Variants in ACTG2 observed in about 807,000 individuals in gnomAD.
The protein encoded by ACTG2 is actin, gamma-enteric smooth muscle.
In ACTG2, 16 loss-of-function variants were observed where a neutral mutation model predicts 37.6. That is an observed-to-expected ratio of 0.43 (90% CI 0.29 to 0.65). The LOEUF (loss-of-function observed/expected upper bound fraction) is 0.65. ACTG2 is among the 30% of genes least tolerant of loss of function. ACTG2 has a pLI of 0.18. For synonymous variants in ACTG2, 181 were observed against 179.9 expected, an observed-to-expected ratio of 1.01 and a Z score of -0.05; for missense variants, 238 against 490.9, an observed-to-expected ratio of 0.48 and a Z score of 4.87.
intron 8 of ACTG2, among the ~76,000 whole-genome samples, chr2:73,918,038 G>A (rs1573476746): frequency 6.6e-6 from 1 of 152,202 alleles, no homozygotes; most frequent in East Asian, 1.9e-4. Context: ...AACAGTACGT[G>A]CCAGCCTTCA....
intron 3 of ACTG2, 61 bp from the exon 4 acceptor site, chr2:73,908,612 C>A: frequency 7.3e-7 from 1 of 1,377,272 alleles, no homozygotes. Context: ...ATGGGAATGT[C>A]AATGAGAATT....
chr2:73,918,187 T>G (rs1359593668), intron 8 of ACTG2, among the ~76,000 whole-genome samples: 1 of 152,142 alleles, frequency 6.6e-6, no homozygotes, highest in African/African-American at 2.4e-5. Flanking sequence ...TGAGCACCTA[T>G]CCAAATTGGA....
Position 73,909,068 on chromosome 2 carries a change from C to T in ACTG2, c.380C>T (p.Thr127Ile). Residue 127 changes from threonine to isoleucine, a missense_variant, in exon 5 of 9, where the codon ACC (threonine) becomes ATC (isoleucine). Physicochemically the swap from Thr to Ile is moderately conservative, Grantham distance 89. Transcript: ENST00000345517. ...TTGTCCTTTAAGATCATGTTTGAAA[C>T]CTTCAATGTCCCTGCCATGTACGTC... The part of the protein sequence containing the change: ...REKMTQIMFE[T>I]FNVPAMYVAI... 3.1e-6 allele frequency: 5 copies of T among 1,614,052 alleles called. No individual in the cohort carries two copies. Among genetic ancestry groups the T allele is most frequent in the East Asian group, 2.2e-5 (1 of 44,886 alleles).
intron 1 of ACTG2, chr2:73,897,232 C>T (rs1309589297): frequency 1.3e-5 from 2 of 152,316 alleles, no homozygotes; most frequent in Non-Finnish European, 2.9e-5. Flanking sequence ...CAGGCTCTCC[C>T]TCTTTCTGTG....
Position 73,916,650 on chromosome 2 carries a change from G to C in ACTG2, c.872G>C (p.Arg291Pro). ...ATCATGAAGTGTGACATTGACATCC[G>C]TAAGGACTTATATGCCAACAATGTC... ...NSIMKCDIDIRKDLYANNVLS... is the reference protein window; with the variant it reads ...NSIMKCDIDIPKDLYANNVLS... The change falls in exon 8 of 9, where the codon CGT becomes CCT. Residue 291 changes from arginine (R) to proline (P), a missense_variant. Transcript: ENST00000345517. 1 of 1,614,078 alleles carries C rather than the reference G, an allele frequency of 6.2e-7. No homozygotes were observed. Among genetic ancestry groups the C allele is most frequent in the Non-Finnish European group, 8.5e-7 (1 of 1,180,014 alleles).
intron 8 of ACTG2, 82 bp from the exon 9 acceptor site, chr2:73,919,350 T>G: frequency 6.6e-7 from 1 of 1,506,766 alleles, no homozygotes; most frequent in Non-Finnish European, 9.0e-7. Flanking sequence ...GGGCTCCCCT[T>G]TTCTGGGATA....
rs140097931 is a variant in ACTG2, at chr2:73,916,781, G to T, written c.987+16G>T. On this transcript the variant is annotated intron_variant, in intron 8 of 8. Coordinates refer to ENST00000345517, the MANE Select transcript of ACTG2 (RefSeq NM_001615.4). Reference sequence around the variant, plus strand: ...GAAGATCAAGGTGGGTCTTGCCTCAGTTGTCTCCATCCTGTTCTTTGTATA... The same window carrying T: ...GAAGATCAAGGTGGGTCTTGCCTCATTTGTCTCCATCCTGTTCTTTGTATA... 6.2e-7 allele frequency: 1 copy of T among 1,611,268 alleles called. No homozygotes were observed. Among genetic ancestry groups the T allele is most frequent in the South Asian group, 1.1e-5 (1 of 90,750 alleles).
intron 6 of ACTG2, 122 bp from the exon 7 acceptor site, chr2:73,914,558 C>CAAA (rs59417466): frequency 2.1e-4 from 109 of 516,020 alleles, no homozygotes; most frequent in African/African-American, 1.3e-3. Flanking sequence ...GACTCTGTCT[C>CAAA]AAAAAAAAAA....
intron 3 of ACTG2, among the ~76,000 whole-genome samples, chr2:73,903,613 C>T (rs1679937764): frequency 6.6e-6 from 1 of 152,182 alleles, no homozygotes; most frequent in Non-Finnish European, 1.5e-5. Flanking sequence ...ATAAGTGACA[C>T]ATATGATTCA....
chr2:73,897,495 G>A (rs1188337818), intron 1 of ACTG2, among the ~76,000 whole-genome samples: 1 of 152,226 alleles, frequency 6.6e-6, no homozygotes, highest in African/African-American at 2.4e-5. Flanking sequence ...GACTGCCCAT[G>A]TGATTCTAAG....
At chr2:73,907,086 C>T (rs1680032497) in intron 3 of ACTG2, among the ~76,000 whole-genome samples, 1 of 152,188 alleles carries the variant, frequency 6.6e-6, no homozygotes. Flanking sequence ...CCTCTGGAGA[C>T]CTTCTTTTGC....
intron 3 of ACTG2, among the ~76,000 whole-genome samples, chr2:73,904,773 GTGTGTATA>G (rs1415637481): frequency 9.0e-4 from 18 of 20,078 alleles, no homozygotes; most frequent in African/African-American, 1.8e-3. Flanking sequence ...GTGTGTGTGT[GTGTGTATA>G]TATATATATA....
chr2:73,919,009 G>C (rs1680326348), intron 8 of ACTG2, among the ~76,000 whole-genome samples: 1 of 152,194 alleles, frequency 6.6e-6, no homozygotes, highest in African/African-American at 2.4e-5. Context: ...CTAAGTAAGT[G>C]GCTCTGAATT....
At chr2:73,902,842 CG>C in intron 3 of ACTG2, 1 of 1,412,246 alleles carries the variant, frequency 7.1e-7, no homozygotes. Flanking sequence ...CCTAACTCCC[CG>C]TCTTGGCATT....
chr2:73,906,702 C>T (rs943861501), intron 3 of ACTG2, among the ~76,000 whole-genome samples: 1 of 152,098 alleles, frequency 6.6e-6, no homozygotes, highest in Admixed American at 6.5e-5. Flanking sequence ...GGTCTCCAAC[C>T]CCTGGGCTCA....
intron 1 of ACTG2, among the ~76,000 whole-genome samples, chr2:73,900,308 C>A (rs1679849066): frequency 1.3e-5 from 2 of 152,194 alleles, no homozygotes; most frequent in Non-Finnish European, 2.9e-5. Flanking sequence ...TCTTCCGAGG[C>A]TCTGTTGCTT....
chr2:73,916,795 G>A (rs1235903487), intron 8 of ACTG2, 30 bp downstream of exon 8: 1 of 1,604,810 alleles, frequency 6.2e-7, no homozygotes, highest in Non-Finnish European at 8.5e-7. Flanking sequence ...TCTCCATCCT[G>A]TTCTTTGTAT....
intron 3 of ACTG2, chr2:73,903,094 T>C: frequency 5.3e-6 from 1 of 190,172 alleles, no homozygotes; most frequent in Non-Finnish European, 1.1e-5. Context: ...GCATTTTTGT[T>C]TAAGAAAATA....
intron 5 of ACTG2, among the ~76,000 whole-genome samples, chr2:73,910,297 C>T (rs1680101969): frequency 6.7e-6 from 1 of 148,362 alleles, no homozygotes; most frequent in Non-Finnish European, 1.5e-5. Flanking sequence ...ACCTTATAAA[C>T]TTTTTAATTT....
Sources: gnomAD v4.1 joint callset for allele counts (sites outside exome capture counted in the v4.1 genomes callset) on GRCh38, gnomAD v4.1.1 for gene constraint, MANE v1.5 for transcripts, NCBI Gene and HGNC (gene_info 2026-07-23, HGNC 2026-07-21) for gene names.